Variants in MGAT4C observed in about 807,000 individuals in gnomAD.
MGAT4C encodes alpha-1,3-mannosyl-glycoprotein 4-beta-N-acetylglucosaminyltransferase C.
Under a neutral mutation model 40.1 loss-of-function variants are expected in MGAT4C, and 19 were observed. The ratio of observed to expected loss-of-function variants is 0.47; its 90% CI spans 0.33 to 0.70. MGAT4C has a LOEUF of 0.70. MGAT4C is among the 30% of genes least tolerant of loss of function. The pLI is 0.02. For missense variants in MGAT4C, 491 were observed against 563.2 expected (o/e 0.87, Z 1.30); for synonymous variants, 181 against 187.1 (o/e 0.97, Z 0.27).
At chr12:86,774,281 C>CTCTTTCTTTCTTTCTTTTTCTT (rs1951693289) in intron 1 of MGAT4C, among the ~76,000 whole-genome samples, 2 of 58,960 alleles carry the variant, frequency 3.4e-5, no homozygotes, top group Non-Finnish European at 6.9e-5. Context: ...CTAAGGCTTG[C>CTCTTTCTTTCTTTCTTTTTCTT]TCTTTCTTTC....
Position 86,635,807 on chromosome 12 carries a change from G to A in MGAT4C, c.-229+91402C>T, listed in dbSNP as rs569680182. On this transcript the variant is annotated intron_variant, in intron 2 of 7. Transcript: ENST00000548651. ...TGCTCCCACCTTGGTCTCCTGAGTA[G>A]CTAGGACTACTCAGCATGCAACCAT... 2.0e-5 allele frequency among the ~76,000 whole-genome samples: 3 copies of A among 151,720 alleles called. No homozygotes were observed. In the East Asian group the frequency reaches 5.9e-4, roughly 30 times the overall value.
intron 1 of MGAT4C, among the ~76,000 whole-genome samples, chr12:86,157,201 G>C (rs1376613842): frequency 2.0e-5 from 3 of 151,892 alleles, no homozygotes; most frequent in Non-Finnish European, 4.4e-5. Flanking sequence ...AACGGAAAGT[G>C]CATTCATGAA....
intron 1 of MGAT4C, among the ~76,000 whole-genome samples, chr12:86,215,571 T>G (rs1439888178): frequency 6.6e-6 from 1 of 152,184 alleles, no homozygotes; most frequent in Non-Finnish European, 1.5e-5. Context: ...AAGCCAATGA[T>G]GAGCTGTAAC....
chr12:86,005,799 T>C (rs1393054569), intron 2 of MGAT4C, among the ~76,000 whole-genome samples: 1 of 152,200 alleles, frequency 6.6e-6, no homozygotes, highest in East Asian at 1.9e-4. Context: ...CTTCCTTTCC[T>C]TATGTAAATA....
chr12:86,393,199 C>T lies in MGAT4C; in HGVS notation c.-120+41958G>A, dbSNP rs79450599. ...TTTGATATACATGAATAAATGAATG[C>T]TATTATTTACTCTTCAGAGATCTCT... On this transcript the variant is annotated intron_variant, in intron 3 of 7. Coordinates refer to the MGAT4C transcript ENST00000548651. 6.2e-3 allele frequency among the ~76,000 whole-genome samples: 949 copies of T among 152,090 alleles called. 7 individuals are homozygous for T. Among genetic ancestry groups the T allele is most frequent in the African/African-American group, 0.022 (904 of 41,498 alleles).
chr12:86,818,187 T>C (rs1273937193), intron 1 of MGAT4C, among the ~76,000 whole-genome samples: 2 of 151,256 alleles, frequency 1.3e-5, no homozygotes, highest in African/African-American at 4.8e-5. Flanking sequence ...AAAATTTCCA[T>C]CATGAATTCA....
At chr12:86,735,703 C>T (rs774066253) in intron 1 of MGAT4C, among the ~76,000 whole-genome samples, 1 of 151,686 alleles carries the variant, frequency 6.6e-6, no homozygotes, top group Non-Finnish European at 1.5e-5. Context: ...TCTTCAGATA[C>T]AAAAGATTAG....
At chr12:86,310,871 C>T (rs1401426145) in intron 4 of MGAT4C, among the ~76,000 whole-genome samples, 1 of 152,164 alleles carries the variant, frequency 6.6e-6, no homozygotes, top group Non-Finnish European at 1.5e-5. Context: ...TTGCAGTGAG[C>T]CGAGATCGCA....
chr12:86,767,861 G>A (rs1417283111), intron 1 of MGAT4C, among the ~76,000 whole-genome samples: 8 of 152,246 alleles, frequency 5.3e-5, no homozygotes, highest in South Asian at 2.1e-4. Context: ...TTGATGGGAC[G>A]TATCTCAAAA....
intron 2 of MGAT4C, among the ~76,000 whole-genome samples, chr12:86,588,475 T>A (rs2136444526): frequency 6.6e-6 from 1 of 152,056 alleles, no homozygotes; most frequent in Admixed American, 6.6e-5. Context: ...CACCCCACTG[T>A]CAACATTAGA....
intron 1 of MGAT4C, among the ~76,000 whole-genome samples, chr12:86,765,415 G>C (rs1951487521): frequency 6.6e-6 from 1 of 152,198 alleles, no homozygotes; most frequent in Non-Finnish European, 1.5e-5. Flanking sequence ...GTGACGGGTA[G>C]AATGGAACCA....
At chr12:86,027,501 T>A (rs1041002533) in intron 2 of MGAT4C, among the ~76,000 whole-genome samples, 7 of 151,830 alleles carry the variant, frequency 4.6e-5, no homozygotes, top group Non-Finnish European at 8.8e-5. Context: ...ATAGAAAAAA[T>A]TTATTTTAAA....
At chr12:86,462,388 T>C (rs1007052631) in intron 2 of MGAT4C, among the ~76,000 whole-genome samples, 5 of 152,212 alleles carry the variant, frequency 3.3e-5, no homozygotes, top group Non-Finnish European at 7.3e-5. Flanking sequence ...AGTTCCTGCC[T>C]TCAAGATAAG....
chr12:86,814,464 C>G (rs1250271076), intron 1 of MGAT4C, among the ~76,000 whole-genome samples: 1 of 150,014 alleles, frequency 6.7e-6, no homozygotes, highest in Admixed American at 6.7e-5. Flanking sequence ...ACTGAATTCT[C>G]ATAATTATAT....
chr12:86,721,607 G>T (rs1173848043), intron 2 of MGAT4C, among the ~76,000 whole-genome samples: 1 of 152,062 alleles, frequency 6.6e-6, no homozygotes, highest in Non-Finnish European at 1.5e-5. Context: ...TCATTTATCT[G>T]CCTTACATTA....
intron 3 of MGAT4C, among the ~76,000 whole-genome samples, chr12:86,401,300 G>GTA (rs1202305254): frequency 8.0e-5 from 12 of 150,702 alleles, no homozygotes; most frequent in African/African-American, 2.4e-4. Flanking sequence ...GTGTGTGTGT[G>GTA]TGTATATATA....
At position 86,653,162 on chromosome 12, in the gene MGAT4C, T is replaced by C. The variant is rs148451644; in HGVS notation, c.-229+74047A>G. Among the ~76,000 whole-genome samples, 152 of 152,074 alleles carry C rather than the reference T, an allele frequency of 1.0e-3. 2 individuals carry two copies. Among genetic ancestry groups the C allele is most frequent in the African/African-American group, 3.5e-3 (144 of 41,558 alleles). On this transcript the variant is annotated intron_variant, in intron 2 of 7. Transcript: ENST00000548651. ...TTAATTTTGTCATTTGCAATATAAT[T>C]ATATTCATTTGTATCATTGAGTTTT...
At chr12:86,385,859 T>C (rs1357806761) in intron 3 of MGAT4C, among the ~76,000 whole-genome samples, 2 of 152,240 alleles carry the variant, frequency 1.3e-5, no homozygotes, top group Admixed American at 1.3e-4. Context: ...GATGTGTGTC[T>C]TCTGTGCTCC....
At chr12:86,625,605 C>T (rs2136495482) in intron 2 of MGAT4C, among the ~76,000 whole-genome samples, 1 of 152,110 alleles carries the variant, frequency 6.6e-6, no homozygotes, top group South Asian at 2.1e-4. Context: ...ATGAACACAT[C>T]CTCAGAGACC....
Sources: allele counts gnomAD v4.1 joint callset (sites outside exome capture counted in the v4.1 genomes callset), GRCh38; gene constraint gnomAD v4.1.1; transcripts MANE v1.5; gene names NCBI Gene and HGNC (gene_info 2026-07-23, HGNC 2026-07-21).